ATP2B2: variants seen among roughly 807,000 people sequenced by gnomAD.
ATP2B2 encodes plasma membrane calcium-transporting ATPase 2.
Under a neutral mutation model 120.0 loss-of-function variants are expected in ATP2B2, and 15 were observed. The observed-to-expected ratio is 0.12, with a 90% CI of 0.08 to 0.19. The LOEUF is 0.19. Among genes scored for constraint, ATP2B2 ranks in the 10% least tolerant of loss-of-function variants. The probability of loss-of-function intolerance (pLI) is 1.00; values close to 1 mark genes in which losing one functional copy is unlikely to be tolerated. For synonymous variants in ATP2B2, 694 were observed against 700.3 expected, an observed-to-expected ratio of 0.99 and a Z score of 0.14; for missense variants, 1,045 against 1,719.8, an observed-to-expected ratio of 0.61 and a Z score of 6.94.
chr3:10,363,377 C>A (rs11923545), intron 12 of ATP2B2, among the ~76,000 whole-genome samples: 18 of 152,276 alleles, frequency 1.2e-4, no homozygotes, highest in South Asian at 8.3e-4. Flanking sequence ...TTTTGAGGGA[C>A]GGAGAACAGG....
intron 1 of ATP2B2, among the ~76,000 whole-genome samples, chr3:10,701,897 A>G (rs1158379506): frequency 2.0e-5 from 3 of 152,216 alleles, no homozygotes; most frequent in Non-Finnish European, 4.4e-5. Context: ...TGAAAAAGAA[A>G]AGAGCCAGTC....
chr3:10,378,890 G>A (rs2061452190), intron 9 of ATP2B2, among the ~76,000 whole-genome samples: 1 of 152,224 alleles, frequency 6.6e-6, no homozygotes, highest in Admixed American at 6.5e-5. Context: ...CAGTTGGCGT[G>A]GCCTCTTCAT....
At position 10,345,564 on chromosome 3, in the gene ATP2B2, G is replaced by A; in HGVS notation, c.2523C>T (p.Gly841=). The stretch of plus-strand genomic sequence containing the variant: ...CTGAGGCCTCCTTGGCCACGTCAGT[G>A]CCTGCGATGCCCTGTGGGGACAGGG... ...ADVGFAMGIA[G]TDVAKEASDI... Residue 841 remains glycine (G), a synonymous_variant, in exon 18 of 23, where the codon GGC becomes GGT. Coordinates refer to ENST00000360273, the MANE Select transcript of ATP2B2 (RefSeq NM_001001331.4). 1 of 1,614,202 alleles carries A rather than the reference G, an allele frequency of 6.2e-7. No homozygotes were observed. The highest frequency in any genetic ancestry group is 8.5e-7 in the Non-Finnish European group (1 of 1,180,014).
At chr3:10,415,966 C>A (rs948151087) in intron 2 of ATP2B2, among the ~76,000 whole-genome samples, 1 of 152,128 alleles carries the variant, frequency 6.6e-6, no homozygotes, top group Non-Finnish European at 1.5e-5. Flanking sequence ...TGAGCTTGGG[C>A]CAGTTTCACC....
intron 15 of ATP2B2, 24 bp from the exon 16 acceptor site, chr3:10,350,223 CGGGTCGGTG>C: frequency 2.7e-6 from 1 of 374,362 alleles, no homozygotes; most frequent in South Asian, 2.0e-5. Context: ...GGGAAGGGGG[CGGGTCGGTG>C]GGGTCGGGGA....
chr3:10,683,548 A>T (rs1187989143), intron 1 of ATP2B2, among the ~76,000 whole-genome samples: 1 of 151,732 alleles, frequency 6.6e-6, no homozygotes, highest in Admixed American at 6.6e-5. Context: ...GAGGCACCAG[A>T]TCAGTTATTT....
intron 1 of ATP2B2, among the ~76,000 whole-genome samples, chr3:10,479,520 T>G (rs1034242567): frequency 1.3e-5 from 2 of 152,080 alleles, no homozygotes; most frequent in African/African-American, 4.8e-5. Context: ...TTTGTGTGAC[T>G]GTTGGATTGT....
In ATP2B2 at chr3:10,333,502, A is replaced by T. The variant is rs73127659; in HGVS notation, c.3421-4377T>A. 7.3e-3 allele frequency among the ~76,000 whole-genome samples: 1,104 copies of T among 152,142 alleles called. 16 individuals are homozygous for T. The highest frequency in any genetic ancestry group is 0.025 in the African/African-American group (1,043 of 41,502). On this transcript the variant is annotated intron_variant, in intron 22 of 22. Transcript: ENST00000360273. ...CCTCAGAGTCCTTGGAGACCAGAGG[A>T]GGCAGCACTGTTGTAGACACTACTC...
In ATP2B2 at chr3:10,326,938, T is replaced by C. The variant is rs2059868376; in HGVS notation, c.*1876A>G. On this transcript the variant is annotated 3_prime_UTR_variant, in exon 23 of 23. Transcript: ENST00000360273. ...AGGGGCTGGGCTGACACAGCCATCG[T>C]GAGGAGGGTCAGCATGAGGAATGGA... 1 of 398,622 alleles carries C rather than the reference T, an allele frequency of 2.5e-6. No individual in the cohort carries two copies. The highest frequency in any genetic ancestry group is 2.1e-5 in the African/African-American group (1 of 48,596). The allele number at this position is 398,622 out of a possible 1,614,324, so 24.7% of individuals were successfully genotyped here. A position where few individuals can be genotyped will look rare whatever the true frequency, so the allele number is the denominator to read the frequency against.
At chr3:10,420,205 T>C (rs181129896) in intron 2 of ATP2B2, among the ~76,000 whole-genome samples, 15 of 152,274 alleles carry the variant, frequency 9.9e-5, no homozygotes, top group African/African-American at 3.4e-4. Context: ...AGTGGGTAGC[T>C]TGCACAGGCA....
chr3:10,508,666 G>C (rs1361152646), upstream of ATP2B2, among the ~76,000 whole-genome samples: 2 of 152,210 alleles, frequency 1.3e-5, no homozygotes, highest in African/African-American at 4.8e-5. Context: ...TTCTCTTCCT[G>C]CAGCAGATAC....
At chr3:10,631,041 G>A (rs749124884) in intron 1 of ATP2B2, among the ~76,000 whole-genome samples, 9 of 152,210 alleles carry the variant, frequency 5.9e-5, no homozygotes, top group Non-Finnish European at 1.0e-4. Flanking sequence ...CACAGACCCC[G>A]AGCCACACAA....
intron 4 of ATP2B2, 136 bp from the exon 5 acceptor site, chr3:10,401,214 C>A (rs1351083432): frequency 1.5e-5 from 17 of 1,172,104 alleles, no homozygotes; most frequent in Non-Finnish European, 1.8e-5. Flanking sequence ...GTGTAGGAAC[C>A]AAGATGGTGC....
At chr3:10,332,352 T>A in intron 22 of ATP2B2, 1 of 364,244 alleles carries the variant, frequency 2.7e-6, no homozygotes, top group East Asian at 4.0e-5. Flanking sequence ...GCTTGGGTGG[T>A]TTGAAAGAGC....
chr3:10,643,970 C>T (rs2070245616), intron 1 of ATP2B2, among the ~76,000 whole-genome samples: 1 of 152,118 alleles, frequency 6.6e-6, no homozygotes, highest in Non-Finnish European at 1.5e-5. Context: ...AGGACATTGT[C>T]AAGAAAGTGA....
intron 10 of ATP2B2, among the ~76,000 whole-genome samples, chr3:10,377,549 C>T (rs987019031): frequency 2.6e-5 from 4 of 152,238 alleles, no homozygotes; most frequent in African/African-American, 7.2e-5. Context: ...GGGTCGGGGG[C>T]TCACTTTGCA....
At chr3:10,539,210 A>G (rs530570934) in intron 2 of ATP2B2, among the ~76,000 whole-genome samples, 14 of 152,212 alleles carry the variant, frequency 9.2e-5, no homozygotes, top group Non-Finnish European at 1.6e-4. Context: ...CCACTGCTCA[A>G]TGAAATAAAA....
At chr3:10,655,556 A>C (rs2070600294) in intron 1 of ATP2B2, among the ~76,000 whole-genome samples, 1 of 152,202 alleles carries the variant, frequency 6.6e-6, no homozygotes, top group Non-Finnish European at 1.5e-5. Context: ...ATTGCCTGGC[A>C]ATTAGTAGAA....
chr3:10,584,124 G>A (rs1398006709), intron 2 of ATP2B2, among the ~76,000 whole-genome samples: 1 of 151,834 alleles, frequency 6.6e-6, no homozygotes, highest in Non-Finnish European at 1.5e-5. Flanking sequence ...TTTCCGCTTG[G>A]ACTTGAGGCA....
Sources: allele counts gnomAD v4.1 joint callset (sites outside exome capture counted in the v4.1 genomes callset), GRCh38; gene constraint gnomAD v4.1.1; transcripts MANE v1.5; gene names NCBI Gene and HGNC (gene_info 2026-07-23, HGNC 2026-07-21).